ERC1: variants seen among roughly 807,000 people sequenced by gnomAD.
ERC1 encodes the protein RAB6 interacting protein 2.
Under a neutral mutation model 132.0 loss-of-function variants are expected in ERC1, and 56 were observed. The observed-to-expected ratio is 0.42, with a 90% confidence interval of 0.34 to 0.53. The LOEUF is 0.53. Ranked by LOEUF, ERC1 falls within the 20% of genes least tolerant of loss-of-function variation. ERC1 has a pLI of 0.03. For missense variants in ERC1, 1,202 were observed against 1,349.9 expected (o/e 0.89, Z 1.72); for synonymous variants, 478 against 476.1 (o/e 1.00, Z -0.05).
At chr12:1,470,447 TTTG>T (rs1592251241) in intron 18 of ERC1, among the ~76,000 whole-genome samples, 1 of 151,794 alleles carries the variant, frequency 6.6e-6, no homozygotes, top group African/African-American at 2.4e-5. Context: ...TGGGGTTTTT[TTTG>T]TTTTTTTTTT....
intron 12 of ERC1, among the ~76,000 whole-genome samples, chr12:1,194,152 G>T (rs1259513353): frequency 6.6e-6 from 1 of 152,164 alleles, no homozygotes; most frequent in African/African-American, 2.4e-5. Flanking sequence ...GGGTGCAGTG[G>T]CTCACGCCTG....
chr12:1,453,063 T>C (rs915795284), intron 18 of ERC1, among the ~76,000 whole-genome samples: 3 of 152,208 alleles, frequency 2.0e-5, no homozygotes, highest in African/African-American at 7.2e-5. Context: ...ATGCTCTTGT[T>C]CTTCTCTAAG....
intron 9 of ERC1, among the ~76,000 whole-genome samples, chr12:1,181,484 T>A (rs1954455288): frequency 6.6e-6 from 1 of 152,088 alleles, no homozygotes; most frequent in Admixed American, 6.6e-5. Flanking sequence ...GCAAGATGAA[T>A]AAGAAGGATG....
chr12:1,007,498 C>T (rs1056223046), intron 1 of ERC1, among the ~76,000 whole-genome samples: 61 of 149,654 alleles, frequency 4.1e-4, no homozygotes, highest in African/African-American at 1.4e-3. Flanking sequence ...CTCTCTTTCT[C>T]TCTCTCTCAC....
intron 2 of ERC1, among the ~76,000 whole-genome samples, chr12:1,050,728 C>T (rs966976617): frequency 1.3e-5 from 2 of 152,084 alleles, no homozygotes; most frequent in Admixed American, 6.6e-5. Context: ...AGTGTAAATA[C>T]ATAACTATTA....
At chr12:1,449,403 C>T (rs1280889064) in intron 18 of ERC1, among the ~76,000 whole-genome samples, 3 of 152,130 alleles carry the variant, frequency 2.0e-5, no homozygotes, top group Non-Finnish European at 4.4e-5. Flanking sequence ...CCCATCATCC[C>T]CACGTGTCAT....
chr12:1,459,120 G>C (rs1227615162), intron 18 of ERC1, among the ~76,000 whole-genome samples: 1 of 152,212 alleles, frequency 6.6e-6, no homozygotes, highest in Non-Finnish European at 1.5e-5. Context: ...CTAATATAGA[G>C]AGAGTATTGC....
intron 2 of ERC1, among the ~76,000 whole-genome samples, chr12:1,060,175 C>CTTTTTTTTTTTTTTTTTTTTTTTTTT (rs563850203): frequency 6.9e-6 from 1 of 144,262 alleles, no homozygotes. Flanking sequence ...AAGGCCACTT[C>CTTTTTTTTTTTTTTTTTTTTTTTTTT]TTTTTTTTTT....
At chr12:1,442,875 A>G (rs906789178) in intron 17 of ERC1, among the ~76,000 whole-genome samples, 5 of 152,150 alleles carry the variant, frequency 3.3e-5, no homozygotes, top group East Asian at 3.8e-4. Flanking sequence ...TGGCAGGAAA[A>G]TTTCCAAAAT....
At position 1,093,975 on chromosome 12, in the gene ERC1, A is replaced by ATTTC. The variant is rs1565949499; in HGVS notation, c.1086+10396_1086+10397insTTCT. ...TATTTTTCTATATATATATATATAT[A>ATTTC]TATATATATAGAAAAACATAGAAAA... On this transcript the variant is annotated intron_variant, in intron 3 of 18. Coordinates refer to ENST00000360905, the MANE Select transcript of ERC1 (RefSeq NM_178040.4). Among the ~76,000 whole-genome samples, 28 of 131,002 alleles carry ATTTC rather than the reference A, an allele frequency of 2.1e-4. 1 individual carries two copies. Among genetic ancestry groups the ATTTC allele is most frequent in the South Asian group, 1.5e-3 (6 of 4,018 alleles). The allele number at this position is 131,002 out of a possible 152,430, so 85.9% of individuals were successfully genotyped here. A position where few individuals can be genotyped will look rare whatever the true frequency, so the allele number is the denominator to read the frequency against.
chr12:1,274,443 G>A (rs1296516527), intron 14 of ERC1, among the ~76,000 whole-genome samples: 1 of 151,864 alleles, frequency 6.6e-6, no homozygotes, highest in Non-Finnish European at 1.5e-5. Context: ...AGAGTGAATG[G>A]TCAGGGAAAG....
chr12:1,124,220 A>G (rs1179319604), intron 7 of ERC1, among the ~76,000 whole-genome samples: 3 of 152,218 alleles, frequency 2.0e-5, no homozygotes, highest in African/African-American at 7.2e-5. Context: ...AAAACTAACC[A>G]TGTACTGGGT....
At chr12:1,309,277 G>C (rs1475294599) in intron 15 of ERC1, among the ~76,000 whole-genome samples, 2 of 152,188 alleles carry the variant, frequency 1.3e-5, no homozygotes, top group Non-Finnish European at 2.9e-5. Context: ...AATACCACAA[G>C]CTAGTAATTT....
chr12:1,263,288 AG>A, intron 14 of ERC1, 123 bp downstream of exon 14: 1 of 884,346 alleles, frequency 1.1e-6, no homozygotes, highest in Non-Finnish European at 1.7e-6. Context: ...CACTTCATAG[AG>A]GAGAAGTCCC....
At position 1,270,918 on chromosome 12, in the gene ERC1, A is replaced by G. The variant is rs554128561; in HGVS notation, c.2619+7753A>G. Among the ~76,000 whole-genome samples the G allele has an allele frequency of 2.0e-5, 3 of 152,264 alleles. No homozygotes were observed. In the East Asian group the frequency reaches 5.8e-4, roughly 29 times the overall value. ...GGTCAAAGAGAAAAAGGAAAATGTAAATAATAATTTGTCCTTAACGGTTTT... is the reference window on the plus strand; with the variant it reads ...GGTCAAAGAGAAAAAGGAAAATGTAGATAATAATTTGTCCTTAACGGTTTT... On this transcript the variant is annotated intron_variant, in intron 14 of 18. Coordinates refer to ENST00000360905, the MANE Select transcript of ERC1 (RefSeq NM_178040.4).
intron 2 of ERC1, among the ~76,000 whole-genome samples, chr12:1,037,069 T>G (rs998510189): frequency 2.0e-5 from 3 of 152,232 alleles, no homozygotes. Context: ...GAAATTTGCT[T>G]CTTTTACAGT....
In ERC1 at chr12:1,115,961, T is replaced by C; in HGVS notation, c.1497T>C (p.Ser499=). The C allele has an allele frequency of 6.2e-7, 1 of 1,614,178 alleles. No individual in the cohort carries two copies. Among genetic ancestry groups the C allele is most frequent in the Non-Finnish European group, 8.5e-7 (1 of 1,180,006 alleles). The part of the protein sequence containing the change: ...LETLTNQFSD[S]KQHIEVLKES... The stretch of plus-strand genomic sequence containing the variant: ...CACTCACAAACCAGTTCTCAGATAG[T>C]AAACAGCACATTGAAGTGTTGAAGG... The change falls in exon 7 of 19, where the codon AGT becomes AGC. Residue 499 remains serine (S), a synonymous_variant. Coordinates refer to ENST00000360905, the MANE Select transcript of ERC1 (RefSeq NM_178040.4).
At chr12:1,189,053 G>A (rs1192243373) in intron 11 of ERC1, among the ~76,000 whole-genome samples, 2 of 152,036 alleles carry the variant, frequency 1.3e-5, no homozygotes, top group East Asian at 1.9e-4. Context: ...TCTTAGTGTG[G>A]TTCTTTCAAA....
At chr12:1,440,662 G>A (rs1300223594) in intron 17 of ERC1, among the ~76,000 whole-genome samples, 1 of 107,744 alleles carries the variant, frequency 9.3e-6, no homozygotes, top group Non-Finnish European at 1.9e-5. Context: ...GTGTGTGTGT[G>A]TGTGTGATGG....
Sources: gnomAD v4.1 joint callset for allele counts (sites outside exome capture counted in the v4.1 genomes callset) on GRCh38, gnomAD v4.1.1 for gene constraint, MANE v1.5 for transcripts, NCBI Gene and HGNC (gene_info 2026-07-23, HGNC 2026-07-21) for gene names.